DCDC1: variants seen among roughly 807,000 people sequenced by gnomAD.
The protein encoded by DCDC1 is doublecortin domain containing 1.
DCDC1 carries 200 observed loss-of-function variants against 178.3 expected under a neutral mutation model. That is an observed-to-expected ratio of 1.12 (90% CI 1.00 to 1.26). The LOEUF is 1.26. DCDC1 is among the 50% of genes most tolerant of loss of function. The pLI, the probability that DCDC1 is intolerant of heterozygous loss-of-function variation, is 0.00. For synonymous variants in DCDC1, 690 were observed against 604.8 expected, an observed-to-expected ratio of 1.14 and a Z score of -2.07; for missense variants, 1,983 against 1,749.2, an observed-to-expected ratio of 1.13 and a Z score of -2.38.
At chr11:31,129,623 A>C (rs1310172559) in intron 10 of DCDC1, among the ~76,000 whole-genome samples, 1 of 152,018 alleles carries the variant, frequency 6.6e-6, no homozygotes, top group Non-Finnish European at 1.5e-5. Context: ...TATTTTGCAG[A>C]TCCCTCTTCT....
intron 6 of DCDC1, among the ~76,000 whole-genome samples, chr11:31,296,831 C>G (rs1947717986): frequency 7.2e-6 from 1 of 138,346 alleles, no homozygotes; most frequent in Non-Finnish European, 1.6e-5. Flanking sequence ...TGAGAACTCA[C>G]TCACTATCAT....
intron 19 of DCDC1, 101 bp from the exon 20 acceptor site, chr11:31,064,727 T>C: frequency 9.0e-6 from 6 of 666,558 alleles, no homozygotes; most frequent in Non-Finnish European, 1.6e-5. Context: ...TCATGGTGCC[T>C]TCAGTGTTTC....
chr11:30,867,642 T>G (rs1049547983), intron 38 of DCDC1, among the ~76,000 whole-genome samples: 7 of 152,280 alleles, frequency 4.6e-5, no homozygotes, highest in Admixed American at 4.6e-4. Flanking sequence ...CCTCCAGACC[T>G]TGGCTACCAC....
At chr11:31,016,995 T>A (rs1952519180) in intron 20 of DCDC1, among the ~76,000 whole-genome samples, 1 of 152,206 alleles carries the variant, frequency 6.6e-6, no homozygotes, top group Non-Finnish European at 1.5e-5. Flanking sequence ...AGAAATTGTT[T>A]GATTGTCCAG....
intron 28 of DCDC1, among the ~76,000 whole-genome samples, chr11:30,910,180 A>G (rs1442893402): frequency 1.3e-5 from 2 of 152,212 alleles, no homozygotes; most frequent in African/African-American, 4.8e-5. Context: ...TAAACGCAAC[A>G]CCAGCAACAA....
intron 20 of DCDC1, among the ~76,000 whole-genome samples, chr11:31,056,042 T>C (rs992302722): frequency 6.6e-6 from 1 of 152,170 alleles, no homozygotes; most frequent in African/African-American, 2.4e-5. Flanking sequence ...AACTAAAACA[T>C]GCCAGCATTT....
chr11:31,273,445 CA>C (rs1453310173), intron 7 of DCDC1, among the ~76,000 whole-genome samples: 1 of 152,154 alleles, frequency 6.6e-6, no homozygotes, highest in Non-Finnish European at 1.5e-5. Flanking sequence ...CAACATACCA[CA>C]AGTCTCTTTG....
At chr11:30,932,958 T>A (rs916918003) in intron 21 of DCDC1, among the ~76,000 whole-genome samples, 2 of 151,332 alleles carry the variant, frequency 1.3e-5, no homozygotes, top group African/African-American at 2.4e-5. Context: ...TGATCAGTGA[T>A]GATGCTGGGC....
At position 31,065,219 on chromosome 11, in the gene DCDC1, C is replaced by T. The variant is rs1956180515; in HGVS notation, c.2299-66G>A. On this transcript the variant is annotated intron_variant, in intron 18 of 38. Coordinates refer to ENST00000684477, the MANE Select transcript of DCDC1 (RefSeq NM_001387274.1). The stretch of plus-strand genomic sequence containing the variant: ...AAACAATAGCCAAAAATCCATCCAA[C>T]TGGAAAGAGAGGAGGATAAATTACA... 4 of 602,100 alleles carry T rather than the reference C, an allele frequency of 6.6e-6. No individual in the cohort carries two copies. In the South Asian group the frequency reaches 6.9e-5, roughly 10 times the overall value. 37.3% of individuals were successfully genotyped at this position (602,100 alleles called of 1,614,324 possible).
intron 7 of DCDC1, among the ~76,000 whole-genome samples, chr11:31,273,327 G>A (rs771743161): frequency 1.3e-5 from 2 of 151,984 alleles, no homozygotes; most frequent in African/African-American, 4.8e-5. Flanking sequence ...TGCCTTTAAC[G>A]GTACCCAAGT....
chr11:31,360,019 C>T (rs1318600019), intron 1 of DCDC1, among the ~76,000 whole-genome samples: 1 of 152,124 alleles, frequency 6.6e-6, no homozygotes, highest in Non-Finnish European at 1.5e-5. Flanking sequence ...AAAACATACG[C>T]AATATGTAAA....
At chr11:31,244,460 T>A (rs1467595113) in intron 8 of DCDC1, among the ~76,000 whole-genome samples, 1 of 151,752 alleles carries the variant, frequency 6.6e-6, no homozygotes, top group East Asian at 1.9e-4. Context: ...CAAACTACTA[T>A]GTAGAAATAT....
At chr11:31,362,865 T>G (rs1445730201) in intron 1 of DCDC1, among the ~76,000 whole-genome samples, 1 of 152,186 alleles carries the variant, frequency 6.6e-6, no homozygotes, top group Non-Finnish European at 1.5e-5. Context: ...ATACAAGACC[T>G]GTTTTTCTCA....
At chr11:31,020,265 A>T (rs556628052) in intron 20 of DCDC1, among the ~76,000 whole-genome samples, 43 of 152,346 alleles carry the variant, frequency 2.8e-4, no homozygotes, top group South Asian at 6.2e-4. Context: ...CAGCCTCCAA[A>T]GCCAGACAAC....
Position 30,903,483 on chromosome 11 carries a change from T to C in DCDC1, c.4509A>G (p.Glu1503=). 3 of 1,591,346 alleles carry C rather than the reference T, an allele frequency of 1.9e-6. No individual in the cohort carries two copies. Among genetic ancestry groups the C allele is most frequent in the South Asian group, 1.1e-5 (1 of 86,964 alleles). Residue 1503 remains glutamate (E), a splice_region_variant and synonymous_variant, in exon 32 of 39, where the codon GAA becomes GAG. Transcript: ENST00000684477. ...GKEQIIVESM[E]ENPRMKVKNR... Reference sequence around the variant, plus strand: ...TAAATGCTGTAGATTGTAGCCAACCTTCCATACTTTCAACAATTATCTGTT... The same window carrying C: ...TAAATGCTGTAGATTGTAGCCAACCCTCCATACTTTCAACAATTATCTGTT...
At chr11:31,093,893 A>C (rs1957967799) in intron 16 of DCDC1, among the ~76,000 whole-genome samples, 157 bp downstream of exon 16, 1 of 152,226 alleles carries the variant, frequency 6.6e-6, no homozygotes, top group African/African-American at 2.4e-5. Context: ...CCCGTGGGCT[A>C]GGCAATACCA....
intron 9 of DCDC1, among the ~76,000 whole-genome samples, chr11:31,235,129 A>G (rs1360479650): frequency 6.6e-6 from 1 of 152,164 alleles, no homozygotes; most frequent in Non-Finnish European, 1.5e-5. Flanking sequence ...CTAAAGAATG[A>G]TCTTAAATAT....
intron 17 of DCDC1, among the ~76,000 whole-genome samples, chr11:31,084,770 C>T (rs1018184905): frequency 6.6e-6 from 1 of 151,818 alleles, no homozygotes; most frequent in Admixed American, 6.6e-5. Flanking sequence ...TCTTTTCTTG[C>T]CCAAGCTTTC....
At chr11:30,951,511 A>T (rs1282863041) in intron 21 of DCDC1, among the ~76,000 whole-genome samples, 1 of 152,136 alleles carries the variant, frequency 6.6e-6, no homozygotes, top group Non-Finnish European at 1.5e-5. Context: ...AACCAGAAAG[A>T]TGAAAAATTG....
Sources: allele counts gnomAD v4.1 joint callset (sites outside exome capture counted in the v4.1 genomes callset), GRCh38; gene constraint gnomAD v4.1.1; transcripts MANE v1.5; gene names NCBI Gene and HGNC (gene_info 2026-07-23, HGNC 2026-07-21).